The following GNAQ variants were observed in gnomAD, a reference collection of about 807,000 sequenced individuals.
The protein encoded by GNAQ is guanine nucleotide-binding protein G(q) subunit alpha.
GNAQ carries 8 observed loss-of-function variants against 43.9 expected under a neutral mutation model. The ratio of observed to expected loss-of-function variants is 0.18; its 90% CI spans 0.11 to 0.33. GNAQ has a LOEUF of 0.33. GNAQ is among the 10% of genes least tolerant of loss of function. The pLI is 1.00. For missense variants in GNAQ, 158 were observed against 450.8 expected, an observed-to-expected ratio of 0.35 and a Z score of 5.88; for synonymous variants, 155 against 170.7, an observed-to-expected ratio of 0.91 and a Z score of 0.71.
chr9:77,929,840 ATTT>A (rs576050965), intron 1 of GNAQ, among the ~76,000 whole-genome samples: 1 of 151,672 alleles, frequency 6.6e-6, no homozygotes, highest in African/African-American at 2.4e-5. Flanking sequence ...ACACACAAAA[ATTT>A]TTTTTTAAAA....
At chr9:77,834,255 C>G (rs1175314330) in intron 2 of GNAQ, among the ~76,000 whole-genome samples, 2 of 152,154 alleles carry the variant, frequency 1.3e-5, no homozygotes, top group Non-Finnish European at 2.9e-5. Flanking sequence ...ACTTCCTCAT[C>G]TTTGTTCTCT....
chr9:77,943,339 C>G (rs1264699687), intron 1 of GNAQ, among the ~76,000 whole-genome samples: 2 of 152,148 alleles, frequency 1.3e-5, no homozygotes, highest in Non-Finnish European at 1.5e-5. Flanking sequence ...GACACATGTT[C>G]GACGTGTCTT....
intron 1 of GNAQ, among the ~76,000 whole-genome samples, chr9:77,978,179 A>C (rs1224119154): frequency 6.6e-6 from 1 of 152,092 alleles, no homozygotes. Flanking sequence ...TTCTATGGTG[A>C]TCAGCTTAAC....
chr9:77,956,328 CT>C (rs1823039918), intron 1 of GNAQ, among the ~76,000 whole-genome samples: 1 of 152,200 alleles, frequency 6.6e-6, no homozygotes, highest in Admixed American at 6.5e-5. Flanking sequence ...TTCTTGATTA[CT>C]TGTACAAATT....
At chr9:78,007,941 G>A (rs1354440965) in intron 1 of GNAQ, among the ~76,000 whole-genome samples, 1 of 152,200 alleles carries the variant, frequency 6.6e-6, no homozygotes, top group Non-Finnish European at 1.5e-5. Context: ...ACACTGGTGT[G>A]AAGGCCAAAA....
intron 5 of GNAQ, among the ~76,000 whole-genome samples, chr9:77,760,601 C>A (rs1825983855): frequency 6.6e-6 from 1 of 152,126 alleles, no homozygotes; most frequent in Non-Finnish European, 1.5e-5. Context: ...CCAAAGTGCC[C>A]AGAGTGCAGC....
intron 1 of GNAQ, among the ~76,000 whole-genome samples, chr9:78,025,694 C>T (rs963501769): frequency 6.6e-6 from 1 of 152,144 alleles, no homozygotes; most frequent in South Asian, 2.1e-4. Context: ...TATAAAATGG[C>T]TTCTGTCTCT....
chr9:77,959,140 G>A lies in GNAQ; in HGVS notation c.137-36795C>T, dbSNP rs541871747. On this transcript the variant is annotated intron_variant, in intron 1 of 6. Transcript: ENST00000286548. ...AGTTCAATATTTAGTAAGCTTCCAG[G>A]TGATTCTTCACGCATTAAAGAGAAC... Among the ~76,000 whole-genome samples, 5 of 152,128 alleles carry A rather than the reference G, an allele frequency of 3.3e-5. No homozygotes were observed. The South Asian group carries it at 8.3e-4, about 25-fold the overall frequency.
chr9:77,874,246 G>C (rs963307720), intron 2 of GNAQ, among the ~76,000 whole-genome samples: 1 of 152,162 alleles, frequency 6.6e-6, no homozygotes, highest in Non-Finnish European at 1.5e-5. Context: ...TTAGGCTTGG[G>C]CTTCCCTTGG....
intron 5 of GNAQ, among the ~76,000 whole-genome samples, chr9:77,766,051 A>G (rs1165536674): frequency 6.6e-6 from 1 of 152,210 alleles, no homozygotes; most frequent in East Asian, 1.9e-4. Flanking sequence ...ATAGAGATAG[A>G]ATGGTGGTTG....
chr9:77,842,727 C>T (rs930584175), intron 2 of GNAQ, among the ~76,000 whole-genome samples: 1 of 152,116 alleles, frequency 6.6e-6, no homozygotes, highest in Non-Finnish European at 1.5e-5. Context: ...CATCAGGGAC[C>T]TCCAGGCATA....
At chr9:77,754,563 A>G (rs1248918541) in intron 5 of GNAQ, among the ~76,000 whole-genome samples, 1 of 152,230 alleles carries the variant, frequency 6.6e-6, no homozygotes, top group African/African-American at 2.4e-5. Context: ...GTGTATTAAC[A>G]GAATATCAAT....
chr9:77,938,904 G>C (rs778764592), intron 1 of GNAQ, among the ~76,000 whole-genome samples: 2 of 152,208 alleles, frequency 1.3e-5, no homozygotes, highest in East Asian at 1.9e-4. Flanking sequence ...TCTGGATACT[G>C]GTTGATGGAA....
chr9:78,014,424 C>A (rs1262892486), intron 1 of GNAQ, among the ~76,000 whole-genome samples: 1 of 152,088 alleles, frequency 6.6e-6, no homozygotes, highest in East Asian at 1.9e-4. Flanking sequence ...GCCCGACCAA[C>A]ATGGTGAAAC....
chr9:77,769,887 C>T (rs554217131), intron 5 of GNAQ, among the ~76,000 whole-genome samples: 38 of 152,078 alleles, frequency 2.5e-4, no homozygotes, highest in African/African-American at 7.0e-4. Context: ...AGGATGGTCT[C>T]GATCTCCTGA....
chr9:77,922,370 A>G, intron 1 of GNAQ, 25 bp from the exon 2 acceptor site: 1 of 1,560,902 alleles, frequency 6.4e-7, no homozygotes, highest in Non-Finnish European at 8.8e-7. Flanking sequence ...ATAGCAGCTC[A>G]TCAGACCACA....
chr9:77,795,285 A>T (rs931934186), intron 4 of GNAQ, among the ~76,000 whole-genome samples: 12 of 152,300 alleles, frequency 7.9e-5, no homozygotes, highest in South Asian at 2.1e-4. Flanking sequence ...ATTTGTTTTT[A>T]ACACATCAAT....
Position 77,717,468 on chromosome 9 carries a change from G to GT in GNAQ, c.*3854dup, listed in dbSNP as rs1564089383. 8.6e-6 allele frequency: 2 copies of GT among 232,354 alleles called. No homozygotes were observed. The highest frequency in any genetic ancestry group is 2.2e-5 in the African/African-American group (1 of 45,288). 14.4% of individuals were successfully genotyped at this position (232,354 alleles called of 1,614,324 possible). Reference sequence around the variant, plus strand: ...TTTGAGGGAAATTTCCAACCAATATGTGAGTCTTGCAGTATTTCATTATAC... The same window carrying GT: ...TTTGAGGGAAATTTCCAACCAATATGTTGAGTCTTGCAGTATTTCATTATAC... On this transcript the variant is annotated 3_prime_UTR_variant, in exon 7 of 7. Transcript: ENST00000286548.
intron 6 of GNAQ, among the ~76,000 whole-genome samples, chr9:77,727,812 T>C (rs1223071501): frequency 6.6e-6 from 1 of 152,154 alleles, no homozygotes; most frequent in Non-Finnish European, 1.5e-5. Context: ...TCAACCTTGA[T>C]AGACTGATTT....
Sources: gnomAD v4.1 joint callset for allele counts (sites outside exome capture counted in the v4.1 genomes callset) on GRCh38, gnomAD v4.1.1 for gene constraint, MANE v1.5 for transcripts, NCBI Gene and HGNC (gene_info 2026-07-23, HGNC 2026-07-21) for gene names.